The following NRSN1 variants were observed in gnomAD, a reference collection of about 807,000 sequenced individuals.
NRSN1 encodes neurensin-1.
NRSN1 carries 14 observed loss-of-function variants against 17.3 expected under a neutral mutation model. That is an observed-to-expected ratio of 0.81 (90% CI 0.54 to 1.27). NRSN1 has a LOEUF of 1.27. Ranked by LOEUF, NRSN1 falls within the 50% of genes most tolerant of loss-of-function variation. NRSN1 has a pLI of 0.00. For synonymous variants in NRSN1, 79 were observed against 94.2 expected (o/e 0.84, Z 0.93); for missense variants, 209 against 235.9 (o/e 0.89, Z 0.75).
Position 24,145,257 on chromosome 6 carries a change from A to ATATATCTTTAGATATACAATATATG in NRSN1, c.190-274_190-250dup, listed in dbSNP as rs1269812192. Among the ~76,000 whole-genome samples, 1,226 of 147,046 alleles carry ATATATCTTTAGATATACAATATATG rather than the reference A, an allele frequency of 8.3e-3. 12 individuals are homozygous for ATATATCTTTAGATATACAATATATG. The highest frequency in any genetic ancestry group is 0.016 in the Non-Finnish European group (1,063 of 66,866). Reference sequence around the variant, plus strand: ...TCTTTAGATAATATAAAGATTATATATATATCTTTAGATATACAATATATG... The same window carrying ATATATCTTTAGATATACAATATATG: ...TCTTTAGATAATATAAAGATTATATATATATCTTTAGATATACAATATATGTATATCTTTAGATATACAATATATG... On this transcript the variant is annotated intron_variant, in intron 3 of 3. Transcript: ENST00000378491. This position sits in a 1 kb window ranked among gnomAD's most constrained non-coding sequence, Gnocchi z 4.4.
In NRSN1 at chr6:24,146,153, G is replaced by A. The variant is rs1271822007; in HGVS notation, c.*207G>A. The A allele has an allele frequency of 1.4e-6, 1 of 714,456 alleles. No individual in the cohort carries two copies. Among genetic ancestry groups the A allele is most frequent in the Non-Finnish European group, 2.6e-6 (1 of 384,386 alleles). The allele number at this position is 714,456 out of a possible 1,614,324, so 44.3% of individuals were successfully genotyped here. A position where few individuals can be genotyped will look rare whatever the true frequency, so the allele number is the denominator to read the frequency against. ...GCCTAAGCCTGTGCACATGCATCCA[G>A]CTGCTTAAGATGGGTGCTTCCTTGT... is the stretch of plus-strand genomic sequence containing the variant. On this transcript the variant is annotated 3_prime_UTR_variant, in exon 4 of 4. Transcript: ENST00000378491.
rs768502112 is a variant in NRSN1, at chr6:24,145,769, G to A, written c.411G>A (p.Ser137=). The stretch of plus-strand genomic sequence containing the variant: ...CCATGGCAGGGTGCCTGCTGATGTC[G>A]GTGTTTGTAAAGAGCTACTCCAAAG... The part of the protein sequence containing the change: ...GTSMAGCLLM[S]VFVKSYSKEE... The change falls in exon 4 of 4, where the codon TCG becomes TCA. Residue 137 remains serine, a synonymous_variant. Transcript: ENST00000378491. This position sits in a 1 kb window ranked among gnomAD's most constrained non-coding sequence, Gnocchi z 4.4. 12 of 1,614,032 alleles carry A rather than the reference G, an allele frequency of 7.4e-6. 1 individual carries two copies. Among genetic ancestry groups the A allele is most frequent in the South Asian group, 3.3e-5 (3 of 91,082 alleles).
chr6:24,131,127 G>A (rs1760020713), intron 2 of NRSN1, among the ~76,000 whole-genome samples: 1 of 152,140 alleles, frequency 6.6e-6, no homozygotes. Flanking sequence ...AAAATCCATG[G>A]CTTCAAGTAG....
At chr6:24,143,177 A>C (rs1401468486) in intron 3 of NRSN1, among the ~76,000 whole-genome samples, 4 of 152,178 alleles carry the variant, frequency 2.6e-5, no homozygotes, top group South Asian at 2.1e-4. Flanking sequence ...CCAAGTCCCC[A>C]CCCGACCCAG....
At chr6:24,132,353 A>G (rs1441920669) in intron 2 of NRSN1, among the ~76,000 whole-genome samples, 2 of 152,148 alleles carry the variant, frequency 1.3e-5, no homozygotes, top group Non-Finnish European at 2.9e-5. Context: ...GTAGATCGAT[A>G]TTTTTCTTTT....
chr6:24,139,871 C>G (rs1760175044), intron 3 of NRSN1, among the ~76,000 whole-genome samples: 1 of 152,152 alleles, frequency 6.6e-6, no homozygotes, highest in Non-Finnish European at 1.5e-5. Context: ...TGCAATGAAC[C>G]ATGATTGCAC....
chr6:24,133,318 TTAGAGTTAGTGAGGTG>T (rs1760066875), intron 2 of NRSN1, among the ~76,000 whole-genome samples: 1 of 152,182 alleles, frequency 6.6e-6, no homozygotes, highest in South Asian at 2.1e-4. Flanking sequence ...ATATATGGTG[TTAGAGTTAGTGAGGTG>T]TAAATTATTG....
intron 2 of NRSN1, among the ~76,000 whole-genome samples, chr6:24,131,276 G>A (rs542244839): frequency 1.8e-4 from 28 of 152,270 alleles, no homozygotes; most frequent in African/African-American, 6.3e-4. Flanking sequence ...TGTTCTGGTA[G>A]CAAACTGTTC....
intron 2 of NRSN1, chr6:24,129,583 A>G (rs531711921): frequency 4.5e-4 from 69 of 152,374 alleles, no homozygotes; most frequent in African/African-American, 1.6e-3. Context: ...ACAAGGGGAT[A>G]GAAAGTAATG....
intron 3 of NRSN1, chr6:24,140,939 C>G (rs2113716376): frequency 7.5e-7 from 1 of 1,326,308 alleles, no homozygotes; most frequent in East Asian, 3.0e-5. Flanking sequence ...ACTGGGTTTT[C>G]ACACATCCTC....
chr6:24,131,634 A>T (rs146664167), intron 2 of NRSN1, among the ~76,000 whole-genome samples: 8 of 152,314 alleles, frequency 5.3e-5, no homozygotes, highest in African/African-American at 1.9e-4. Context: ...TTGACAAAGC[A>T]GTTAGTAATA....
At chr6:24,142,470 T>A (rs1760225958) in intron 3 of NRSN1, among the ~76,000 whole-genome samples, 1 of 152,102 alleles carries the variant, frequency 6.6e-6, no homozygotes, top group African/African-American at 2.4e-5. Flanking sequence ...TCTCTCTTTT[T>A]TTCCCGAGAC....
chr6:24,145,862 T>G lies in NRSN1; in HGVS notation c.504T>G (p.Val168=). Residue 168 remains valine, a synonymous_variant, in exon 4 of 4, where the codon GTT becomes GTG. Transcript: ENST00000378491. The surrounding 1 kb of genome is among the most constrained non-coding windows in gnomAD (Gnocchi z 4.4). The part of the protein sequence containing the change: ...IADIKAHTQP[V]TKAPGPGETK... ...ACATCAAAGCCCACACCCAGCCGGT[T>G]ACAAAAGCTCCAGGGCCAGGGGAAA... 1 of 1,614,222 alleles carries G rather than the reference T, an allele frequency of 6.2e-7. No homozygotes were observed. The highest frequency in any genetic ancestry group is 8.5e-7 in the Non-Finnish European group (1 of 1,180,036).
At chr6:24,136,269 A>G (rs1304490474) in intron 3 of NRSN1, among the ~76,000 whole-genome samples, 1 of 152,256 alleles carries the variant, frequency 6.6e-6, no homozygotes, top group African/African-American at 2.4e-5. Flanking sequence ...TGTATGAAGC[A>G]CTGAGTTCTT....
In NRSN1 at chr6:24,144,041, A is replaced by G. The variant is rs72828943; in HGVS notation, c.190-1507A>G. Among the ~76,000 whole-genome samples the G allele has an allele frequency of 4.1e-3, 619 of 152,310 alleles. 6 individuals carry two copies. Among genetic ancestry groups the G allele is most frequent in the Middle Eastern group, 0.017 (5 of 294 alleles). ...CAAATGGTACATCATTTCCATCTTTAGTATGTTACATTTCATTAGAACTTG... is the reference window on the plus strand; with the variant it reads ...CAAATGGTACATCATTTCCATCTTTGGTATGTTACATTTCATTAGAACTTG... On this transcript the variant is annotated intron_variant, in intron 3 of 3. Transcript: ENST00000378491.
chr6:24,134,254 C>A, intron 2 of NRSN1, 65 bp from the exon 3 acceptor site: 1 of 1,311,264 alleles, frequency 7.6e-7, no homozygotes. Context: ...TCTTACCTTT[C>A]ATATGTCTTT....
chr6:24,138,623 C>T lies in NRSN1; in HGVS notation c.189+4107C>T, dbSNP rs188934773. ...GCGATGTGCAGGTGCAAGGTGTGACCGCCTCCTCCACAGCCTTACAAACTG... is the reference window on the plus strand; with the variant it reads ...GCGATGTGCAGGTGCAAGGTGTGACTGCCTCCTCCACAGCCTTACAAACTG... On this transcript the variant is annotated intron_variant, in intron 3 of 3. Transcript: ENST00000378491. Among the ~76,000 whole-genome samples the T allele has an allele frequency of 4.5e-3, 678 of 152,170 alleles. 2 individuals carry two copies. The highest frequency in any genetic ancestry group is 0.01 in the Middle Eastern group (3 of 294).
rs1238552295 is a variant in NRSN1 at position 24,145,706 on chromosome 6, G to A, written c.348G>A (p.Lys116=). 6.2e-7 allele frequency: 1 copy of A among 1,614,212 alleles called. No homozygotes were observed. The highest frequency in any genetic ancestry group is 8.5e-7 in the Non-Finnish European group (1 of 1,180,012). ...TTAACAGTGCTCTGGACATGTACAA[G>A]CTGGCAGGAGCTGTTCTCTTCTGCA... is the stretch of plus-strand genomic sequence containing the variant. The part of the protein sequence containing the change: ...VQFNSALDMY[K]LAGAVLFCIG... The change falls in exon 4 of 4, where the codon AAG becomes AAA. Residue 116 remains lysine (K), a synonymous_variant. Transcript: ENST00000378491. The surrounding 1 kb of genome is among the most constrained non-coding windows in gnomAD (Gnocchi z 4.4).
chr6:24,140,659 C>T (rs559250264), intron 3 of NRSN1, among the ~76,000 whole-genome samples: 1 of 152,356 alleles, frequency 6.6e-6, no homozygotes, highest in Admixed American at 6.5e-5. Flanking sequence ...CAGCATTCCC[C>T]GCACGCCAGG....
Sources: gnomAD v4.1 joint callset for allele counts (sites outside exome capture counted in the v4.1 genomes callset) on GRCh38, gnomAD v4.1.1 for gene constraint, Gnocchi (gnomAD v3.1) non-coding constraint, MANE v1.5 for transcripts, NCBI Gene and HGNC (gene_info 2026-07-23, HGNC 2026-07-21) for gene names.